RYR3: variants seen among roughly 807,000 people sequenced by gnomAD.
The protein encoded by RYR3 is brain ryanodine receptor-calcium release channel.
Under a neutral mutation model 584.3 loss-of-function variants are expected in RYR3, and 207 were observed. The observed-to-expected ratio is 0.35, with a 90% CI of 0.32 to 0.40. The LOEUF (loss-of-function observed/expected upper bound fraction) is 0.40. RYR3 is among the 10% of genes least tolerant of loss of function. The pLI, the probability that RYR3 is intolerant of heterozygous loss-of-function variation, is 1.00. For missense variants in RYR3, 5,616 were observed against 6,089.2 expected (o/e 0.92, Z 2.59); for synonymous variants, 2,416 against 2,248.5 (o/e 1.07, Z -2.11).
chr15:33,860,803 C>A, intron 101 of RYR3, 144 bp downstream of exon 101: 1 of 709,238 alleles, frequency 1.4e-6, no homozygotes, highest in Non-Finnish European at 2.3e-6. Flanking sequence ...TTCTCTGCAC[C>A]CTGCCATACC....
At chr15:33,611,923 T>G (rs1052294295) in intron 18 of RYR3, among the ~76,000 whole-genome samples, 1 of 152,180 alleles carries the variant, frequency 6.6e-6, no homozygotes, top group African/African-American at 2.4e-5. Flanking sequence ...CCACCCAAAG[T>G]GCTGGGATTA....
At position 33,648,419 on chromosome 15, in the gene RYR3, C is replaced by A. The variant is rs142831047; in HGVS notation, c.3979-653C>A. On this transcript the variant is annotated intron_variant, in intron 30 of 103. Coordinates refer to ENST00000634891, the MANE Select transcript of RYR3 (RefSeq NM_001036.6). ...AGGAAAATGATGAGCTAGTCACCTG[C>A]CTCAGAGCTGTAGCTATTGTTGTAA... 9.0e-4 allele frequency among the ~76,000 whole-genome samples: 137 copies of A among 152,254 alleles called. 1 individual carries two copies. The highest frequency in any genetic ancestry group is 1.6e-3 in the Non-Finnish European group (107 of 68,008).
intron 50 of RYR3, among the ~76,000 whole-genome samples, chr15:33,738,989 G>T (rs1168201871): frequency 6.6e-6 from 1 of 152,198 alleles, no homozygotes; most frequent in African/African-American, 2.4e-5. Context: ...CTGCTGTGAT[G>T]GTGGGACAGG....
chr15:33,776,744 C>T (rs1432465372), intron 64 of RYR3, among the ~76,000 whole-genome samples: 2 of 152,148 alleles, frequency 1.3e-5, no homozygotes, highest in Non-Finnish European at 2.9e-5. Flanking sequence ...GCACCATTTA[C>T]GTGCAAGATA....
At chr15:33,755,678 T>G (rs2071751301) in intron 58 of RYR3, among the ~76,000 whole-genome samples, 1 of 152,240 alleles carries the variant, frequency 6.6e-6, no homozygotes, top group Non-Finnish European at 1.5e-5. Flanking sequence ...TTGAACCTTT[T>G]GTCATTTTTT....
At chr15:33,847,412 G>C (rs1449154014) in intron 93 of RYR3, among the ~76,000 whole-genome samples, 1 of 152,194 alleles carries the variant, frequency 6.6e-6, no homozygotes, top group Non-Finnish European at 1.5e-5. Flanking sequence ...GTAGCCAGTG[G>C]CATCTCAGCT....
Position 33,844,844 on chromosome 15 carries a change from GT to G in RYR3, c.13297-17del, listed in dbSNP as rs761278719. On this transcript the variant is annotated splice_polypyrimidine_tract_variant and intron_variant, in intron 92 of 103. Transcript: ENST00000634891. ...GTTCTTTTTGATGTTTAATAAGCGA[GT>G]GTGTATTTTGAGCCAGGTCACTGAA... is the stretch of plus-strand genomic sequence containing the variant. 6.8e-6 allele frequency: 11 copies of G among 1,609,560 alleles called. No individual in the cohort carries two copies. The South Asian group carries it at 1.1e-4, about 16-fold the overall frequency.
At chr15:33,335,881 G>A (rs1227226989) in intron 1 of RYR3, among the ~76,000 whole-genome samples, 2 of 152,062 alleles carry the variant, frequency 1.3e-5, no homozygotes, top group African/African-American at 2.4e-5. Context: ...GAAGAGAAAG[G>A]TTGGAATAAA....
chr15:33,843,048 G>A (rs749128056), intron 91 of RYR3, among the ~76,000 whole-genome samples: 48 of 151,674 alleles, frequency 3.2e-4, no homozygotes, highest in Non-Finnish European at 5.9e-4. Flanking sequence ...GGCCGGGCAC[G>A]GTGGCTCACG....
chr15:33,530,517 G>T, intron 3 of RYR3, 75 bp from the exon 4 acceptor site: 2 of 1,006,982 alleles, frequency 2.0e-6, no homozygotes, highest in Non-Finnish European at 3.1e-6. Flanking sequence ...CTGTCTCCCA[G>T]AATTATTGTG....
intron 102 of RYR3, among the ~76,000 whole-genome samples, chr15:33,863,106 C>G (rs1597131295): frequency 6.6e-6 from 1 of 152,172 alleles, no homozygotes; most frequent in South Asian, 2.1e-4. Flanking sequence ...TGTGCCTTCC[C>G]ATGGCACTGT....
At chr15:33,806,552 G>A (rs2076221625) in intron 69 of RYR3, among the ~76,000 whole-genome samples, 1 of 151,522 alleles carries the variant, frequency 6.6e-6, no homozygotes, top group Admixed American at 6.6e-5. Flanking sequence ...ATTTTTAAAA[G>A]CATTTCATTA....
intron 85 of RYR3, among the ~76,000 whole-genome samples, chr15:33,829,677 C>T (rs1339921559): frequency 1.3e-4 from 19 of 151,694 alleles, no homozygotes; most frequent in Non-Finnish European, 2.2e-4. Context: ...GGCGTGAACC[C>T]GGGAGGCGGA....
chr15:33,559,726 A>G (rs1249170835), intron 10 of RYR3, among the ~76,000 whole-genome samples: 1 of 152,212 alleles, frequency 6.6e-6, no homozygotes, highest in African/African-American at 2.4e-5. Flanking sequence ...TATCAAAGGC[A>G]TGCAGCTGAG....
intron 1 of RYR3, among the ~76,000 whole-genome samples, chr15:33,342,326 G>C (rs1207930663): frequency 1.3e-5 from 2 of 152,154 alleles, no homozygotes; most frequent in African/African-American, 4.8e-5. Flanking sequence ...TAAAATACAA[G>C]ATGACAGAAG....
chr15:33,650,107 G>A (rs1054045418), intron 31 of RYR3, among the ~76,000 whole-genome samples: 3 of 152,154 alleles, frequency 2.0e-5, no homozygotes, highest in African/African-American at 7.2e-5. Context: ...GGCTGGGCAC[G>A]GTGGCTCACG....
At chr15:33,336,481 A>AAG (rs1567047103) in intron 1 of RYR3, among the ~76,000 whole-genome samples, 3 of 30,844 alleles carry the variant, frequency 9.7e-5, no homozygotes, top group African/African-American at 4.1e-4. Context: ...AGAGAGAGAG[A>AAG]GAGAGAAAGA....
At chr15:33,747,921 G>A (rs2070905597) in intron 53 of RYR3, among the ~76,000 whole-genome samples, 193 bp from the exon 54 acceptor site, 1 of 152,126 alleles carries the variant, frequency 6.6e-6, no homozygotes, top group African/African-American at 2.4e-5. Context: ...AGACCGTAGG[G>A]TCTTATATCT....
chr15:33,650,247 T>G (rs1378665995), intron 31 of RYR3, among the ~76,000 whole-genome samples: 1 of 152,128 alleles, frequency 6.6e-6, no homozygotes, highest in South Asian at 2.1e-4. Flanking sequence ...CGTGGTGGCG[T>G]GTGCCTGTAA....
Sources: allele counts gnomAD v4.1 joint callset (sites outside exome capture counted in the v4.1 genomes callset), GRCh38; gene constraint gnomAD v4.1.1; transcripts MANE v1.5; gene names NCBI Gene and HGNC (gene_info 2026-07-23, HGNC 2026-07-21).